CATSPERT: variants seen among roughly 807,000 people sequenced by gnomAD.
CATSPERT encodes cation channel sperm-associated targeting subunit tau.
chr2:201,600,303 G>A, the CATSPERT span, among the ~76,000 whole-genome samples: 1 of 152,116 alleles, frequency 6.6e-6, no homozygotes, highest in Non-Finnish European at 1.5e-5. Context: ...GGATGAAGCT[G>A]GAAACCATCA....
At chr2:201,527,446 G>A in the CATSPERT span, among the ~76,000 whole-genome samples, 1 of 152,118 alleles carries the variant, frequency 6.6e-6, no homozygotes, top group African/African-American at 2.4e-5. Flanking sequence ...AGCCAAAATA[G>A]TCAAAGCAAT....
the CATSPERT span, chr2:201,601,644 C>A: frequency 1.6e-6 from 2 of 1,225,084 alleles, no homozygotes; most frequent in Non-Finnish European, 2.2e-6. Flanking sequence ...GCTTTTGTTT[C>A]TTTTCTACTC....
At chr2:201,531,678 C>T in the CATSPERT span, among the ~76,000 whole-genome samples, 1 of 152,008 alleles carries the variant, frequency 6.6e-6, no homozygotes, top group African/African-American at 2.4e-5. Flanking sequence ...TGAGAAGATC[C>T]GCAGGGGAGA....
chr2:201,583,430 CG>C, the CATSPERT span, among the ~76,000 whole-genome samples: 4 of 152,222 alleles, frequency 2.6e-5, no homozygotes, highest in South Asian at 6.2e-4. Flanking sequence ...AAACAAAAAC[CG>C]GTTCAGTGAA....
At chr2:201,568,400 T>C in the CATSPERT span, among the ~76,000 whole-genome samples, 1 of 152,162 alleles carries the variant, frequency 6.6e-6, no homozygotes, top group African/African-American at 2.4e-5. Context: ...ACAGTGAAGG[T>C]GTATTGCTCA....
At chr2:201,519,799 C>T in the CATSPERT span, among the ~76,000 whole-genome samples, 1 of 152,142 alleles carries the variant, frequency 6.6e-6, no homozygotes, top group Admixed American at 6.5e-5. Flanking sequence ...TGAAATAACA[C>T]AGGCAGACAA....
At chr2:201,563,311 CG>C in the CATSPERT span, among the ~76,000 whole-genome samples, 7 of 128,716 alleles carry the variant, frequency 5.4e-5, no homozygotes, top group African/African-American at 1.8e-4. Context: ...GCTGGCCGGG[CG>C]GGGGGCTGAC....
the CATSPERT span, among the ~76,000 whole-genome samples, chr2:201,570,832 A>C: frequency 1.3e-5 from 2 of 151,730 alleles, no homozygotes; most frequent in Non-Finnish European, 2.9e-5. Context: ...GTGTCCCCTC[A>C]CTCCTCCAAA....
the CATSPERT span, chr2:201,491,894 C>T: frequency 6.5e-7 from 1 of 1,536,868 alleles, no homozygotes; most frequent in Non-Finnish European, 8.7e-7. Context: ...TGCGTGAATA[C>T]ATGTTCTTTC....
At chr2:201,495,072 G>A in the CATSPERT span, among the ~76,000 whole-genome samples, 1 of 151,920 alleles carries the variant, frequency 6.6e-6, no homozygotes, top group Non-Finnish European at 1.5e-5. Context: ...TCTGGTGTTA[G>A]CTTCATTTCC....
chr2:201,494,661 T>C, the CATSPERT span: 9 of 1,536,696 alleles, frequency 5.9e-6, no homozygotes, highest in Non-Finnish European at 7.9e-6. Context: ...CTAAGATATT[T>C]CTATATTTGT....
the CATSPERT span, among the ~76,000 whole-genome samples, chr2:201,610,784 G>A: frequency 6.6e-6 from 1 of 152,016 alleles, no homozygotes; most frequent in African/African-American, 2.4e-5. Context: ...ATGATCATAT[G>A]GGATTTATCC....
chr2:201,560,785 C>CTTT, the CATSPERT span, among the ~76,000 whole-genome samples: 4 of 151,228 alleles, frequency 2.6e-5, no homozygotes, highest in South Asian at 2.1e-4. Context: ...TGTGAAATCT[C>CTTT]TCTTTTTTTT....
chr2:201,503,542 G>A, the CATSPERT span, among the ~76,000 whole-genome samples: 1 of 152,000 alleles, frequency 6.6e-6, no homozygotes, highest in Non-Finnish European at 1.5e-5. Flanking sequence ...CTATAGGGGG[G>A]CACCACCACA....
chr2:201,523,935 G>GA, the CATSPERT span, among the ~76,000 whole-genome samples: 4 of 151,998 alleles, frequency 2.6e-5, no homozygotes, highest in Non-Finnish European at 5.9e-5. Flanking sequence ...AATTTAGTGA[G>GA]AAAAAATTTT....
chr2:201,547,548 A>C, the CATSPERT span: 1 of 1,561,300 alleles, frequency 6.4e-7, no homozygotes, highest in Non-Finnish European at 8.7e-7. Flanking sequence ...AATGCTTTCT[A>C]AATAGTTAGC....
At chr2:201,494,235 T>A in the CATSPERT span, 5 of 1,536,776 alleles carry the variant, frequency 3.3e-6, no homozygotes, top group Non-Finnish European at 4.4e-6. Flanking sequence ...TTTTCTCTCT[T>A]GCTTCACTGT....
the CATSPERT span, chr2:201,553,800 A>G: frequency 6.6e-6 from 1 of 152,298 alleles, no homozygotes; most frequent in East Asian, 1.9e-4. Context: ...TCAAGCTCAT[A>G]CAAATGTGGA....
At chr2:201,600,513 C>A in the CATSPERT span, among the ~76,000 whole-genome samples, 2 of 151,872 alleles carry the variant, frequency 1.3e-5, no homozygotes, top group Non-Finnish European at 1.5e-5. Context: ...TGCAGCAAGC[C>A]AACATGGCAC....
Sources: allele counts gnomAD v4.1 joint callset (sites outside exome capture counted in the v4.1 genomes callset), GRCh38; gene constraint gnomAD v4.1.1; transcripts MANE v1.5; gene names NCBI Gene and HGNC (gene_info 2026-07-23, HGNC 2026-07-21).